WDHD1: variants seen among roughly 807,000 people sequenced by gnomAD.
The protein encoded by WDHD1 is WD repeat and HMG-box DNA binding protein 1.
WDHD1 carries 111 observed loss-of-function variants against 135.4 expected under a neutral mutation model. The observed-to-expected ratio is 0.82, with a 90% CI of 0.70 to 0.96. WDHD1 has a LOEUF of 0.96. WDHD1 is among the 40% of genes least tolerant of loss of function. WDHD1 has a pLI of 0.00. For synonymous variants in WDHD1, 434 were observed against 439.0 expected (o/e 0.99, Z 0.14); for missense variants, 1,351 against 1,336.3 (o/e 1.01, Z -0.17).
chr14:55,011,341 C>A (rs1311930035), intron 3 of WDHD1, among the ~76,000 whole-genome samples: 1 of 151,904 alleles, frequency 6.6e-6, no homozygotes, highest in East Asian at 1.9e-4. Flanking sequence ...ACCAGCCTAG[C>A]CAACATGGTG....
At chr14:55,026,530 ATAC>A (rs746753301) in intron 2 of WDHD1, among the ~76,000 whole-genome samples, 178 bp downstream of exon 2, 8 of 114,780 alleles carry the variant, frequency 7.0e-5, no homozygotes, top group East Asian at 8.9e-4. Flanking sequence ...CTTTGTCGAT[ATAC>A]TACAACTACC....
chr14:55,009,357 GT>G (rs1235201926), intron 4 of WDHD1, among the ~76,000 whole-genome samples: 1 of 151,614 alleles, frequency 6.6e-6, no homozygotes, highest in Admixed American at 6.6e-5. Context: ...CAACTATATT[GT>G]TTTCCTATGA....
At chr14:55,011,048 T>G (rs2042160427) in intron 3 of WDHD1, among the ~76,000 whole-genome samples, 1 of 152,222 alleles carries the variant, frequency 6.6e-6, no homozygotes, top group Non-Finnish European at 1.5e-5. Context: ...GACGACACCT[T>G]GATTTCAGAC....
Position 54,941,023 on chromosome 14 carries a change from A to C in WDHD1, c.*467T>G, listed in dbSNP as rs1220901496. 2 of 152,312 alleles carry C rather than the reference A, an allele frequency of 1.3e-5. No individual in the cohort carries two copies. Among genetic ancestry groups the C allele is most frequent in the African/African-American group, 4.8e-5 (2 of 41,458 alleles). 9.4% of individuals were successfully genotyped at this position (152,312 alleles called of 1,614,324 possible). On this transcript the variant is annotated 3_prime_UTR_variant, in exon 26 of 26. Coordinates refer to ENST00000360586, the MANE Select transcript of WDHD1 (RefSeq NM_007086.4). ...CAAGATTATTTACATGTTTAGGGCC[A>C]GTATTATTAAAAGACGTCATCCCCT...
chr14:54,992,456 C>T (rs1365665054), intron 11 of WDHD1, among the ~76,000 whole-genome samples: 2 of 152,200 alleles, frequency 1.3e-5, no homozygotes, highest in Admixed American at 1.3e-4. Flanking sequence ...TGCCACTGCA[C>T]TCTAGGCTGG....
In WDHD1 at chr14:54,989,196, C is replaced by T. The variant is rs769089712; in HGVS notation, c.1358G>A (p.Gly453Glu). ...THRFMVWNSI[G>E]IIRCYNDEQD... Reference sequence around the variant, plus strand: ...CTCATCATTATAGCAGCGAATAATTCCAATAGAGTTCCACACCTACAAACA... The same window carrying T: ...CTCATCATTATAGCAGCGAATAATTTCAATAGAGTTCCACACCTACAAACA... Residue 453 changes from glycine (G) to glutamate (E), a missense_variant, in exon 13 of 26, where the codon GGA (glycine) becomes GAA (glutamate). Coordinates refer to ENST00000360586, the MANE Select transcript of WDHD1 (RefSeq NM_007086.4). 1 of 1,612,070 alleles carries T rather than the reference C, an allele frequency of 6.2e-7. No individual in the cohort carries two copies. Among genetic ancestry groups the T allele is most frequent in the Non-Finnish European group, 8.5e-7 (1 of 1,179,126 alleles).
At chr14:54,987,503 C>T in intron 13 of WDHD1, 116 bp from the exon 14 acceptor site, 1 of 877,348 alleles carries the variant, frequency 1.1e-6, no homozygotes, top group Non-Finnish European at 1.6e-6. Context: ...TCCTATTATA[C>T]ACTAGTATAA....
At chr14:54,985,308 T>G (rs1013388442) in intron 14 of WDHD1, among the ~76,000 whole-genome samples, 1 of 152,170 alleles carries the variant, frequency 6.6e-6, no homozygotes, top group Admixed American at 6.6e-5. Context: ...TCTCAGAAAG[T>G]AAAGTTTAAG....
intron 24 of WDHD1, among the ~76,000 whole-genome samples, chr14:54,946,319 T>A (rs1440492352): frequency 6.6e-6 from 1 of 152,262 alleles, no homozygotes; most frequent in Non-Finnish European, 1.5e-5. Flanking sequence ...TCTGAGTGGC[T>A]AGGACTACAA....
chr14:55,013,506 C>CT lies in WDHD1; in HGVS notation c.167dup (p.Ala57GlyfsTer17). On this transcript the variant is annotated frameshift_variant, in exon 3 of 26. Transcript: ENST00000360586. LOFTEE classifies it high-confidence loss of function. ...CTACCTTCAAAGCACATGAATATGC[C>CT]TTTTCTCCAACATTAATGAACTTAG... 2.5e-6 allele frequency: 4 copies of CT among 1,613,660 alleles called. No homozygotes were observed. Among genetic ancestry groups the CT allele is most frequent in the Non-Finnish European group, 3.4e-6 (4 of 1,179,728 alleles).
At chr14:55,022,074 C>A (rs1187590915) in intron 2 of WDHD1, among the ~76,000 whole-genome samples, 1 of 152,140 alleles carries the variant, frequency 6.6e-6, no homozygotes, top group Non-Finnish European at 1.5e-5. Flanking sequence ...GGCAAGTATA[C>A]CAGTTTGACA....
At chr14:54,975,585 G>A (rs969814669) in intron 16 of WDHD1, among the ~76,000 whole-genome samples, 2 of 152,160 alleles carry the variant, frequency 1.3e-5, no homozygotes, top group Middle Eastern at 3.2e-3. Flanking sequence ...TGACCTCAGG[G>A]TGATCTGCCT....
chr14:54,999,236 C>A (rs920137885), intron 10 of WDHD1, among the ~76,000 whole-genome samples: 1 of 152,168 alleles, frequency 6.6e-6, no homozygotes, highest in Non-Finnish European at 1.5e-5. Context: ...TACAGTATTT[C>A]CCCCTTACCC....
chr14:54,982,755 T>A (rs886207975), intron 15 of WDHD1, among the ~76,000 whole-genome samples: 17 of 152,188 alleles, frequency 1.1e-4, no homozygotes, highest in African/African-American at 3.9e-4. Context: ...CATTTAGAAA[T>A]GGTTGATATT....
intron 10 of WDHD1, among the ~76,000 whole-genome samples, chr14:54,996,143 A>G (rs2041874971): frequency 1.3e-5 from 2 of 152,214 alleles, no homozygotes; most frequent in Admixed American, 6.5e-5. Flanking sequence ...TTAATATGAT[A>G]AAGTCCCTAT....
At chr14:54,976,959 T>C (rs1018716262) in intron 16 of WDHD1, among the ~76,000 whole-genome samples, 17 of 152,052 alleles carry the variant, frequency 1.1e-4, no homozygotes, top group Admixed American at 9.8e-4. Flanking sequence ...GCCTACTGTA[T>C]AAGATTCCCC....
At chr14:54,995,051 G>T (rs2041854766) in intron 11 of WDHD1, among the ~76,000 whole-genome samples, 1 of 152,044 alleles carries the variant, frequency 6.6e-6, no homozygotes, top group Admixed American at 6.6e-5. Context: ...ACGCGATCTC[G>T]GCTCACTGCA....
At chr14:55,001,771 C>T (rs1035444713) in intron 8 of WDHD1, among the ~76,000 whole-genome samples, 1 of 152,164 alleles carries the variant, frequency 6.6e-6, no homozygotes, top group South Asian at 2.1e-4. Context: ...AGACCAACAA[C>T]CTTTCTTCCT....
At chr14:55,021,278 A>T (rs1296356476) in intron 2 of WDHD1, among the ~76,000 whole-genome samples, 2 of 152,216 alleles carry the variant, frequency 1.3e-5, no homozygotes, top group African/African-American at 4.8e-5. Flanking sequence ...CAGATTGCCT[A>T]AAGTCAATTT....
Sources: allele counts gnomAD v4.1 joint callset (sites outside exome capture counted in the v4.1 genomes callset), GRCh38; gene constraint gnomAD v4.1.1; transcripts MANE v1.5; gene names NCBI Gene and HGNC (gene_info 2026-07-23, HGNC 2026-07-21).